ING1: variants seen among roughly 807,000 people sequenced by gnomAD.
ING1 encodes the protein inhibitor of growth protein 1.
ING1 carries 4 observed loss-of-function variants against 23.1 expected under a neutral mutation model. The ratio of observed to expected loss-of-function variants is 0.17; its 90% CI spans 0.09 to 0.40. The LOEUF is 0.40. ING1 is among the 10% of genes least tolerant of loss of function. ING1 has a pLI of 1.00. For synonymous variants in ING1, 179 were observed against 166.4 expected, an observed-to-expected ratio of 1.08 and a Z score of -0.58; for missense variants, 256 against 393.8, an observed-to-expected ratio of 0.65 and a Z score of 2.96.
chr13:110,713,879 C>A lies in ING1; in HGVS notation c.-271C>A, dbSNP rs192537175. On this transcript the variant is annotated 5_prime_UTR_variant, in exon 1 of 2. Transcript: ENST00000333219. Reference sequence around the variant, plus strand: ...TACGCGCGGCCCCCGGCGCCAGCCCCGCCGCCTGAGAGGGGGCCTGCGCCG... The same window carrying A: ...TACGCGCGGCCCCCGGCGCCAGCCCAGCCGCCTGAGAGGGGGCCTGCGCCG... 0.013 allele frequency: 13,196 copies of A among 981,344 alleles called. 1,380 individuals are homozygous for A. In the African/African-American group the frequency reaches 0.21, roughly 16 times the overall value. The allele number at this position is 981,344 out of a possible 1,614,324, so 60.8% of individuals were successfully genotyped here.
intron 1 of ING1, among the ~76,000 whole-genome samples, chr13:110,717,827 A>C (rs1300392551): frequency 2.6e-5 from 4 of 152,226 alleles, no homozygotes; most frequent in African/African-American, 9.6e-5. Context: ...CTCCGTTTCA[A>C]CAACAACAAA....
In ING1 at chr13:110,719,019, T is replaced by TTTCTG. The variant is rs1555307751; in HGVS notation, c.137-208_137-207insCTGTT. Among the ~76,000 whole-genome samples the TTTCTG allele has an allele frequency of 6.7e-6, 1 of 148,448 alleles. No homozygotes were observed. Among genetic ancestry groups the TTTCTG allele is most frequent in the Non-Finnish European group, 1.5e-5 (1 of 67,234 alleles). ...TGCCGCTGTGGAAGCTGGGCCGGCA[T>TTTCTG]TTGTGTTGTGTTGTGTTGTGTTGTG... On this transcript the variant is annotated intron_variant, in intron 1 of 1. Coordinates refer to ENST00000333219, the MANE Select transcript of ING1 (RefSeq NM_198219.3). This position sits in a 1 kb window ranked among gnomAD's most constrained non-coding sequence, Gnocchi z 8.9.
At chr13:110,715,247 C>T (rs2064100282) in intron 1 of ING1, 3 of 1,361,854 alleles carry the variant, frequency 2.2e-6, no homozygotes, top group Admixed American at 6.6e-5. Context: ...GTTTACAAGG[C>T]TGCGCAGTAG....
chr13:110,723,118 A>G lies in ING1; in HGVS notation c.*3186A>G, dbSNP rs1231992013. On this transcript the variant is annotated 3_prime_UTR_variant, in exon 2 of 2. Transcript: ENST00000333219. ...GTAAACTGGACTAAAGAAACGTTGTATGTTCAAGGAAGTGTTGAGCAGCCA... is the reference window on the plus strand; with the variant it reads ...GTAAACTGGACTAAAGAAACGTTGTGTGTTCAAGGAAGTGTTGAGCAGCCA... The G allele has an allele frequency of 6.6e-6, 1 of 152,234 alleles. No individual in the cohort carries two copies. The highest frequency in any genetic ancestry group is 2.4e-5 in the African/African-American group (1 of 41,458). The allele number at this position is 152,234 out of a possible 1,614,324, so 9.4% of individuals were successfully genotyped here.
At position 110,722,147 on chromosome 13, in the gene ING1, A is replaced by G. The variant is rs901116262; in HGVS notation, c.*2215A>G. 1 of 152,202 alleles carries G rather than the reference A, an allele frequency of 6.6e-6. No homozygotes were observed. Among genetic ancestry groups the G allele is most frequent in the Non-Finnish European group, 1.5e-5 (1 of 68,034 alleles). The allele number at this position is 152,202 out of a possible 1,614,324, so 9.4% of individuals were successfully genotyped here. A position where few individuals can be genotyped will look rare whatever the true frequency, so the allele number is the denominator to read the frequency against. ...GAGGGTTACTTGGTAGAGAAATGCAAATTGTAGTTGGTCATATACTAAAAT... is the reference window on the plus strand; with the variant it reads ...GAGGGTTACTTGGTAGAGAAATGCAGATTGTAGTTGGTCATATACTAAAAT... On this transcript the variant is annotated 3_prime_UTR_variant, in exon 2 of 2. Transcript: ENST00000333219.
chr13:110,719,480 G>A lies in ING1; in HGVS notation c.388G>A (p.Gly130Ser), dbSNP rs1438034317. ...GDTAGNSGKAGADRPKGEAAA... is the reference protein window; with the variant it reads ...GDTAGNSGKASADRPKGEAAA... Reference sequence around the variant, plus strand: ...CACAGCGGGCAACAGCGGCAAGGCTGGCGCGGACAGGCCCAAAGGCGAGGC... The same window carrying A: ...CACAGCGGGCAACAGCGGCAAGGCTAGCGCGGACAGGCCCAAAGGCGAGGC... The change falls in exon 2 of 2, where the codon GGC (glycine) becomes AGC (serine). Residue 130 changes from glycine to serine, a missense_variant. Coordinates refer to ENST00000333219, the MANE Select transcript of ING1 (RefSeq NM_198219.3). This position sits in a 1 kb window ranked among gnomAD's most constrained non-coding sequence, Gnocchi z 8.9. 3 of 1,612,740 alleles carry A rather than the reference G, an allele frequency of 1.9e-6. No homozygotes were observed. The highest frequency in any genetic ancestry group is 2.5e-6 in the Non-Finnish European group (3 of 1,179,496).
chr13:110,719,239 G>A lies in ING1; in HGVS notation c.147G>A (p.Lys49=), dbSNP rs1475441173. Residue 49 remains lysine, a synonymous_variant, in exon 2 of 2, where the codon AAG becomes AAA. Transcript: ENST00000333219. This position sits in a 1 kb window ranked among gnomAD's most constrained non-coding sequence, Gnocchi z 8.9. ...EIDAKYQEIL[K]ELDECYERFS... ...CCTTCTTGCCCCCAGAGATCCTGAA[G>A]GAGCTAGACGAGTGCTACGAGCGCT... The A allele has an allele frequency of 1.9e-6, 3 of 1,613,112 alleles. No individual in the cohort carries two copies. The highest frequency in any genetic ancestry group is 2.7e-5 in the African/African-American group (2 of 74,938).
intron 1 of ING1, chr13:110,715,236 T>A: frequency 2.3e-6 from 3 of 1,312,484 alleles, no homozygotes; most frequent in Non-Finnish European, 9.7e-7. Context: ...AGTTTACTAA[T>A]GTTTACAAGG....
At chr13:110,715,129 T>G in intron 1 of ING1, 1 of 1,105,516 alleles carries the variant, frequency 9.0e-7, no homozygotes, top group Non-Finnish European at 1.1e-6. Context: ...AGGTGGCGAG[T>G]TCGTGTCCGC....
rs533790117 is a variant in ING1, at chr13:110,715,164, A to G, written c.136+879A>G. 8 of 1,181,218 alleles carry G rather than the reference A, an allele frequency of 6.8e-6. No homozygotes were observed. The South Asian group carries it at 2.2e-4, about 32-fold the overall frequency. The allele number at this position is 1,181,218 out of a possible 1,614,324, so 73.2% of individuals were successfully genotyped here. On this transcript the variant is annotated intron_variant, in intron 1 of 1. Coordinates refer to ENST00000333219, the MANE Select transcript of ING1 (RefSeq NM_198219.3). ...CCGGGAATTGTTGGCTGTTGGGGAA[A>G]CTTTCCTGCGAGGTCAGTCAAGGCT...
intron 1 of ING1, among the ~76,000 whole-genome samples, chr13:110,717,597 C>T (rs780978132): frequency 1.8e-4 from 28 of 152,232 alleles, no homozygotes; most frequent in Admixed American, 6.5e-5. Context: ...GAGACCGAGG[C>T]GGGCGGATCA....
chr13:110,719,140 C>T lies in ING1; in HGVS notation c.137-89C>T. On this transcript the variant is annotated intron_variant, in intron 1 of 1. Coordinates refer to ENST00000333219, the MANE Select transcript of ING1 (RefSeq NM_198219.3). The surrounding 1 kb of genome is among the most constrained non-coding windows in gnomAD (Gnocchi z 8.9). ...AGCCGTGCGCTGGCCCCTAGGCTCC[C>T]TGCCAGCCCTCTCCGTAGACCCGTC... 1.5e-6 allele frequency: 2 copies of T among 1,321,636 alleles called. No homozygotes were observed. Among genetic ancestry groups the T allele is most frequent in the Non-Finnish European group, 2.1e-6 (2 of 950,448 alleles). 81.9% of individuals were successfully genotyped at this position (1,321,636 alleles called of 1,614,324 possible). A position where few individuals can be genotyped will look rare whatever the true frequency, so the allele number is the denominator to read the frequency against.
In ING1 at chr13:110,715,510, G is replaced by A. The variant is rs755119465; in HGVS notation, c.136+1225G>A. On this transcript the variant is annotated intron_variant, in intron 1 of 1. Coordinates refer to ENST00000333219, the MANE Select transcript of ING1 (RefSeq NM_198219.3). Reference sequence around the variant, plus strand: ...ATTGGTCGCTGAGGCGGATGAAGGCGGGCCTAGCGCAATAACTGGTATGGG... The same window carrying A: ...ATTGGTCGCTGAGGCGGATGAAGGCAGGCCTAGCGCAATAACTGGTATGGG... 17 of 1,613,802 alleles carry A rather than the reference G, an allele frequency of 1.1e-5. 1 individual carries two copies. In the East Asian group the frequency reaches 3.8e-4, roughly 36 times the overall value.
At chr13:110,716,683 A>G (rs1424251035) in intron 1 of ING1, among the ~76,000 whole-genome samples, 1 of 152,262 alleles carries the variant, frequency 6.6e-6, no homozygotes, top group African/African-American at 2.4e-5. Flanking sequence ...TACATTTAAA[A>G]TAATTGGACA....
At chr13:110,717,079 A>G (rs1047677643) in intron 1 of ING1, among the ~76,000 whole-genome samples, 2 of 152,218 alleles carry the variant, frequency 1.3e-5, no homozygotes, top group Non-Finnish European at 2.9e-5. Flanking sequence ...TTAAATTTAT[A>G]TGATACAGTT....
At position 110,720,937 on chromosome 13, in the gene ING1, A is replaced by G. The variant is rs1405384349; in HGVS notation, c.*1005A>G. 1.8e-5 allele frequency: 3 copies of G among 167,156 alleles called. No homozygotes were observed. Among genetic ancestry groups the G allele is most frequent in the Non-Finnish European group, 4.4e-5 (3 of 68,128 alleles). The allele number at this position is 167,156 out of a possible 1,614,324, so 10.4% of individuals were successfully genotyped here. A position where few individuals can be genotyped will look rare whatever the true frequency, so the allele number is the denominator to read the frequency against. On this transcript the variant is annotated 3_prime_UTR_variant, in exon 2 of 2. Coordinates refer to ENST00000333219, the MANE Select transcript of ING1 (RefSeq NM_198219.3). ...GTTACTTAATTGCCAGCAAATAAATACGTGTCAAAAAAGAATCTGTATTCA... is the reference window on the plus strand; with the variant it reads ...GTTACTTAATTGCCAGCAAATAAATGCGTGTCAAAAAAGAATCTGTATTCA...
rs2064155653 is a variant in ING1 at position 110,719,640 on chromosome 13, C to T, written c.548C>T (p.Thr183Ile). Reference protein sequence around the residue: ...SGTPKEKKAKTSKKKKRSKAK... With the variant: ...SGTPKEKKAKISKKKKRSKAK... ...ACACCCAAGGAGAAGAAGGCCAAGA[C>T]CTCCAAGAAGAAGAAGCGCTCCAAG... is the stretch of plus-strand genomic sequence containing the variant. The change falls in exon 2 of 2, where the codon ACC becomes ATC. Residue 183 changes from threonine (T) to isoleucine (I), a missense_variant. Physicochemically the swap from Thr to Ile is moderately conservative, Grantham distance 89 (BLOSUM62 -1). Coordinates refer to ENST00000333219, the MANE Select transcript of ING1 (RefSeq NM_198219.3). This position sits in a 1 kb window ranked among gnomAD's most constrained non-coding sequence, Gnocchi z 8.9. 1.2e-6 allele frequency: 2 copies of T among 1,612,484 alleles called. No individual in the cohort carries two copies. The highest frequency in any genetic ancestry group is 1.3e-5 in the African/African-American group (1 of 74,740).
chr13:110,715,811 C>T (rs1166410317), intron 1 of ING1: 6 of 1,582,720 alleles, frequency 3.8e-6, no homozygotes, highest in Non-Finnish European at 1.7e-6. Flanking sequence ...TGGCGGGTGT[C>T]GCCCCGGCCC....
chr13:110,718,647 G>A (rs2064143436), intron 1 of ING1, among the ~76,000 whole-genome samples: 1 of 151,960 alleles, frequency 6.6e-6, no homozygotes, highest in South Asian at 2.1e-4. Context: ...ATTTAACAGG[G>A]TATTCTAGAT....
Sources: gnomAD v4.1 joint callset for allele counts (sites outside exome capture counted in the v4.1 genomes callset) on GRCh38, gnomAD v4.1.1 for gene constraint, Gnocchi (gnomAD v3.1) non-coding constraint, MANE v1.5 for transcripts, NCBI Gene and HGNC (gene_info 2026-07-23, HGNC 2026-07-21) for gene names.